Variants in UQCRH observed in about 807,000 individuals in gnomAD.
UQCRH encodes the protein cytochrome b-c1 complex subunit 6, mitochondrial.
In UQCRH, 14 loss-of-function variants were observed where a neutral mutation model predicts 16.3. That is an observed-to-expected ratio of 0.86 (90% CI 0.57 to 1.34). The LOEUF (loss-of-function observed/expected upper bound fraction) is 1.34. Ranked by LOEUF, UQCRH falls within the 40% of genes most tolerant of loss-of-function variation. The pLI is 0.00. For missense variants in UQCRH, 89 were observed against 111.9 expected, an observed-to-expected ratio of 0.80 and a Z score of 0.92; for synonymous variants, 41 against 41.9, an observed-to-expected ratio of 0.98 and a Z score of 0.08.
Position 46,316,605 on chromosome 1 carries a change from CCA to C in UQCRH, c.*22_*23del, listed in dbSNP as rs111733251. The stretch of plus-strand genomic sequence containing the variant: ...AATAAATGTGTGGACTTAATTCACC[CCA>C]GTCTTCATCATCTGGGCATCAGAAT... On this transcript the variant is annotated 3_prime_UTR_variant, in exon 4 of 4. Coordinates refer to ENST00000311672, the MANE Select transcript of UQCRH (RefSeq NM_006004.4). 3.8e-5 allele frequency: 62 copies of C among 1,611,754 alleles called. No individual in the cohort carries two copies. Among genetic ancestry groups the C allele is most frequent in the African/African-American group, 3.7e-4 (28 of 74,910 alleles).
chr1:46,310,396 G>C, intron 3 of UQCRH, 80 bp downstream of exon 3: 1 of 1,597,098 alleles, frequency 6.3e-7, no homozygotes, highest in South Asian at 1.1e-5. Context: ...TCCATGCTAG[G>C]GAAAGGCCCA....
intron 3 of UQCRH, among the ~76,000 whole-genome samples, chr1:46,314,530 G>T (rs1223422301): frequency 2.0e-5 from 3 of 151,886 alleles, no homozygotes; most frequent in Admixed American, 6.6e-5. Flanking sequence ...AATTGGCTGC[G>T]CATGGTGGTA....
In UQCRH at chr1:46,311,770, G is replaced by GT. The variant is rs558702675; in HGVS notation, c.243+1463dup. ...ACCATTCCCGGCTAATGGTTTTTTT[G>GT]TTTTTTTTTGTTTGTTTGTTTTTGT... is the stretch of plus-strand genomic sequence containing the variant. On this transcript the variant is annotated intron_variant, in intron 3 of 3. Transcript: ENST00000311672. Among the ~76,000 whole-genome samples, 226 of 147,634 alleles carry GT rather than the reference G, an allele frequency of 1.5e-3. 2 individuals carry two copies. In the South Asian group the frequency reaches 0.019, roughly 12 times the overall value.
chr1:46,314,689 A>G (rs1050708728), intron 3 of UQCRH, among the ~76,000 whole-genome samples: 9 of 151,964 alleles, frequency 5.9e-5, no homozygotes, highest in African/African-American at 1.2e-4. Context: ...AAAAAAAAAA[A>G]AGGAGGGAAA....
At chr1:46,306,380 G>GTTTTTTTT (rs58917170) in intron 1 of UQCRH, among the ~76,000 whole-genome samples, 4 of 125,182 alleles carry the variant, frequency 3.2e-5, no homozygotes, top group Admixed American at 8.5e-5. Flanking sequence ...AACTTTTTCA[G>GTTTTTTTT]TTTTTTTTTT....
At chr1:46,314,644 C>A (rs1228106326) in intron 3 of UQCRH, among the ~76,000 whole-genome samples, 4 of 150,520 alleles carry the variant, frequency 2.7e-5, no homozygotes, top group African/African-American at 9.8e-5. Context: ...TTGCACTCCA[C>A]CCTGGGCAAC....
chr1:46,304,459 C>A (rs1005481001), intron 1 of UQCRH, among the ~76,000 whole-genome samples: 1 of 151,576 alleles, frequency 6.6e-6, no homozygotes. Flanking sequence ...GGTCTCGGCT[C>A]GCTGCAACCT....
intron 3 of UQCRH, 90 bp from the exon 4 acceptor site, chr1:46,316,462 G>A (rs760567073): frequency 2.6e-6 from 4 of 1,556,896 alleles, no homozygotes; most frequent in Non-Finnish European, 2.6e-6. Flanking sequence ...GGTGAGAAGA[G>A]GGGCAGTACT....
chr1:46,309,153 C>T, intron 2 of UQCRH, 26 bp downstream of exon 2: 1 of 1,605,902 alleles, frequency 6.2e-7, no homozygotes, highest in Non-Finnish European at 8.5e-7. Flanking sequence ...GGTTTGGAAA[C>T]ATCTCAGTAA....
At chr1:46,308,695 A>G (rs1661416092) in intron 1 of UQCRH, among the ~76,000 whole-genome samples, 1 of 152,168 alleles carries the variant, frequency 6.6e-6, no homozygotes, top group Non-Finnish European at 1.5e-5. Context: ...TTTTTAAATT[A>G]GCCAGGCATG....
intron 3 of UQCRH, among the ~76,000 whole-genome samples, chr1:46,311,374 T>C (rs1464664399): frequency 6.7e-6 from 1 of 149,940 alleles, no homozygotes; most frequent in Admixed American, 6.7e-5. Context: ...GGTCAGGAGA[T>C]TGAGACCATC....
At chr1:46,310,414 C>T (rs1418837925) in intron 3 of UQCRH, 98 bp downstream of exon 3, 2 of 1,550,822 alleles carry the variant, frequency 1.3e-6, no homozygotes, top group East Asian at 2.3e-5. Context: ...CCATCAGTTA[C>T]TCTGGGCCCA....
chr1:46,316,510 A>C (rs746652530), intron 3 of UQCRH, 42 bp from the exon 4 acceptor site: 9 of 1,613,524 alleles, frequency 5.6e-6, no homozygotes, highest in Non-Finnish European at 5.9e-6. Context: ...CCATGACATT[A>C]AAGCTGCCAA....
At chr1:46,305,298 CAAAAA>C (rs11444271) in intron 1 of UQCRH, among the ~76,000 whole-genome samples, 4 of 65,006 alleles carry the variant, frequency 6.2e-5, no homozygotes, top group South Asian at 5.4e-4. Context: ...GACCCTGTCT[CAAAAA>C]AAAAAAAAAA....
At chr1:46,314,242 TGTA>T (rs1661536727) in intron 3 of UQCRH, among the ~76,000 whole-genome samples, 1 of 151,818 alleles carries the variant, frequency 6.6e-6, no homozygotes, top group Admixed American at 6.6e-5. Flanking sequence ...GGCGGGTGCT[TGTA>T]GAACCAGCTA....
At chr1:46,309,158 C>T (rs1232124530) in intron 2 of UQCRH, 31 bp downstream of exon 2, 28 of 1,605,276 alleles carry the variant, frequency 1.7e-5, no homozygotes, top group Non-Finnish European at 2.2e-5. Context: ...GGAAACATCT[C>T]AGTAAAAGCA....
At chr1:46,314,673 CAAA>C (rs200199978) in intron 3 of UQCRH, among the ~76,000 whole-genome samples, 7 of 59,072 alleles carry the variant, frequency 1.2e-4, no homozygotes, top group Admixed American at 3.8e-4. Context: ...AACTCCGTCT[CAAA>C]AAAAAAAAAA....
chr1:46,307,253 C>T (rs770298749), intron 1 of UQCRH, among the ~76,000 whole-genome samples: 1 of 152,052 alleles, frequency 6.6e-6, no homozygotes, highest in Non-Finnish European at 1.5e-5. Flanking sequence ...CCATGGTGGC[C>T]GGGCTGATTG....
intron 3 of UQCRH, among the ~76,000 whole-genome samples, chr1:46,311,544 A>G (rs1661475890): frequency 6.6e-6 from 1 of 151,798 alleles, no homozygotes; most frequent in Non-Finnish European, 1.5e-5. Flanking sequence ...CGCCAAAAAA[A>G]AAATAATTTG....
Sources: allele counts gnomAD v4.1 joint callset (sites outside exome capture counted in the v4.1 genomes callset), GRCh38; gene constraint gnomAD v4.1.1; transcripts MANE v1.5; gene names NCBI Gene and HGNC (gene_info 2026-07-23, HGNC 2026-07-21).